The following NRXN3 variants were observed in gnomAD, a reference collection of about 807,000 sequenced individuals.
NRXN3 encodes the protein neurexin III.
NRXN3 carries 32 observed loss-of-function variants against 137.6 expected under a neutral mutation model. That is an observed-to-expected ratio of 0.23 (90% CI 0.18 to 0.31). The LOEUF (loss-of-function observed/expected upper bound fraction) is 0.31. Ranked by LOEUF, NRXN3 falls within the 10% of genes least tolerant of loss-of-function variation. The pLI is 1.00. For synonymous variants in NRXN3, 798 were observed against 784.5 expected (o/e 1.02, Z -0.29); for missense variants, 1,574 against 2,062.5 (o/e 0.76, Z 4.59).
chr14:79,279,480 C>A (rs1048862410), intron 15 of NRXN3: 1 of 986,152 alleles, frequency 1.0e-6, no homozygotes, highest in African/African-American at 1.7e-5. Context: ...CTTGCGCTCT[C>A]GCTGATTTCG....
rs1244748431 is a variant in NRXN3 at position 79,398,899 on chromosome 14, A to G, written c.3263-68322A>G. 6.6e-5 allele frequency among the ~76,000 whole-genome samples: 10 copies of G among 150,716 alleles called. No homozygotes were observed. In the East Asian group the frequency reaches 2.0e-3, roughly 30 times the overall value. ...GTGGTACATGCCTGTAGTCCCAGCT[A>G]CTCGGTACACTGAGGCAGGAGAATC... On this transcript the variant is annotated intron_variant, in intron 15 of 20. Transcript: ENST00000335750.
intron 16 of NRXN3, among the ~76,000 whole-genome samples, chr14:79,557,961 C>A (rs550289346): frequency 2.6e-5 from 4 of 152,122 alleles, no homozygotes; most frequent in Non-Finnish European, 5.9e-5. Context: ...ATTCTACATC[C>A]TTTGTTGTCA....
At chr14:79,480,439 A>G (rs1046193776) in intron 16 of NRXN3, among the ~76,000 whole-genome samples, 2 of 152,188 alleles carry the variant, frequency 1.3e-5, no homozygotes, top group African/African-American at 2.4e-5. Flanking sequence ...TGCACAATGA[A>G]TGATCCACAA....
chr14:78,992,667 A>G (rs154430), intron 15 of NRXN3, among the ~76,000 whole-genome samples: 1,844 of 152,298 alleles, frequency 0.012, 34 homozygotes, highest in African/African-American at 0.042. Flanking sequence ...ACACATGTGC[A>G]AAAGGGTTGT....
chr14:78,740,195 C>CTGGGCT (rs1392002560), intron 8 of NRXN3, among the ~76,000 whole-genome samples: 2 of 152,140 alleles, frequency 1.3e-5, no homozygotes, highest in African/African-American at 2.4e-5. Flanking sequence ...AGAAGTTTTT[C>CTGGGCT]TGGGCTTGCT....
At chr14:79,202,291 T>C (rs2066151382) in intron 15 of NRXN3, among the ~76,000 whole-genome samples, 1 of 152,100 alleles carries the variant, frequency 6.6e-6, no homozygotes, top group African/African-American at 2.4e-5. Context: ...TTGTCTTTGT[T>C]CCATACCTGA....
At chr14:79,168,443 T>C (rs2061480716) in intron 15 of NRXN3, among the ~76,000 whole-genome samples, 1 of 152,108 alleles carries the variant, frequency 6.6e-6, no homozygotes, top group Non-Finnish European at 1.5e-5. Context: ...CCATTTTCTA[T>C]GAAAGTGTCT....
chr14:78,599,230 G>T (rs1188582495), intron 4 of NRXN3, among the ~76,000 whole-genome samples: 1 of 152,206 alleles, frequency 6.6e-6, no homozygotes, highest in Non-Finnish European at 1.5e-5. Flanking sequence ...AGGAAATGAG[G>T]GGAAATAGCA....
intron 16 of NRXN3, among the ~76,000 whole-genome samples, chr14:79,490,736 A>G (rs1160954967): frequency 2.6e-5 from 4 of 152,110 alleles, no homozygotes; most frequent in African/African-American, 7.2e-5. Context: ...AGAAGGAATG[A>G]ATAAAACTTA....
intron 15 of NRXN3, among the ~76,000 whole-genome samples, chr14:79,286,904 G>A (rs983573507): frequency 1.3e-5 from 2 of 152,120 alleles, no homozygotes; most frequent in Non-Finnish European, 2.9e-5. Flanking sequence ...AATAATAATA[G>A]TTAACCATAC....
intron 3 of NRXN3, among the ~76,000 whole-genome samples, chr14:78,285,196 A>C (rs577509097): frequency 6.6e-6 from 1 of 152,310 alleles, no homozygotes; most frequent in East Asian, 1.9e-4. Context: ...AACCAGGAGA[A>C]TGCCTTCTCC....
chr14:79,315,566 C>G lies in NRXN3; in HGVS notation c.3263-151655C>G, dbSNP rs144803043. 3.2e-4 allele frequency among the ~76,000 whole-genome samples: 48 copies of G among 152,296 alleles called. No individual in the cohort carries two copies. The East Asian group carries it at 8.9e-3, about 28-fold the overall frequency. ...ATATCAAAATGAAATTGACTCCACA[C>G]AAAGATATCTGATCACCAGACAAAA... On this transcript the variant is annotated intron_variant, in intron 15 of 20. Coordinates refer to ENST00000335750, the MANE Select transcript of NRXN3 (RefSeq NM_001330195.2).
intron 15 of NRXN3, among the ~76,000 whole-genome samples, chr14:78,998,370 A>C (rs973759371): frequency 1.3e-5 from 2 of 152,160 alleles, no homozygotes; most frequent in Non-Finnish European, 2.9e-5. Flanking sequence ...GAGGCTTTAC[A>C]TCAGTCCCAG....
intron 8 of NRXN3, chr14:78,753,619 T>C (rs2098653783): frequency 6.6e-6 from 1 of 152,348 alleles, no homozygotes. Context: ...GTCTAAGTAC[T>C]GCATGTGATA....
intron 4 of NRXN3, among the ~76,000 whole-genome samples, chr14:78,373,085 G>C (rs2087157926): frequency 6.6e-6 from 1 of 152,156 alleles, no homozygotes; most frequent in African/African-American, 2.4e-5. Context: ...CAGGCTCAAG[G>C]CTCAGATAAC....
intron 1 of NRXN3, among the ~76,000 whole-genome samples, chr14:78,218,359 CT>C (rs140009696): frequency 6.6e-6 from 1 of 151,690 alleles, no homozygotes; most frequent in Non-Finnish European, 1.5e-5. Context: ...CTATCGCTCT[CT>C]TTTTTTTTCC....
chr14:79,463,590 T>G (rs1021807863), intron 15 of NRXN3, among the ~76,000 whole-genome samples: 4 of 152,178 alleles, frequency 2.6e-5, no homozygotes, highest in Non-Finnish European at 4.4e-5. Flanking sequence ...TGGTTAAAAC[T>G]CAGCAAAGCA....
chr14:78,558,886 C>T (rs749854601), intron 4 of NRXN3, among the ~76,000 whole-genome samples: 1 of 152,228 alleles, frequency 6.6e-6, no homozygotes, highest in Non-Finnish European at 1.5e-5. Context: ...TCCTCATGGA[C>T]ATGGCTAATA....
At chr14:79,805,907 G>A (rs1176052944) in intron 20 of NRXN3, among the ~76,000 whole-genome samples, 1 of 152,062 alleles carries the variant, frequency 6.6e-6, no homozygotes, top group East Asian at 1.9e-4. Context: ...TCCCCATTTG[G>A]ACCCAGATAC....
Sources: allele counts gnomAD v4.1 joint callset (sites outside exome capture counted in the v4.1 genomes callset), GRCh38; gene constraint gnomAD v4.1.1; transcripts MANE v1.5; gene names NCBI Gene and HGNC (gene_info 2026-07-23, HGNC 2026-07-21).